Variants in IRF2 observed in about 807,000 individuals in gnomAD.
IRF2 encodes the protein interferon regulatory factor 2.
A neutral mutation model predicts 40.6 loss-of-function variants in IRF2; 15 were observed. That is an observed-to-expected ratio of 0.37 (90% CI 0.25 to 0.57). The LOEUF is 0.57. IRF2 is among the 20% of genes least tolerant of loss of function. The pLI, the probability that IRF2 is intolerant of heterozygous loss-of-function variation, is 0.77. For synonymous variants in IRF2, 151 were observed against 165.5 expected (o/e 0.91, Z 0.67); for missense variants, 317 against 455.7 (o/e 0.70, Z 2.77).
intron 2 of IRF2, among the ~76,000 whole-genome samples, chr4:184,422,578 A>C (rs1023950055): frequency 6.6e-6 from 1 of 152,260 alleles, no homozygotes; most frequent in Admixed American, 6.5e-5. Flanking sequence ...ATATCCATAC[A>C]ATGGAATATT....
chr4:184,418,668 T>A lies in IRF2; in HGVS notation c.228A>T (p.Thr76=). The change falls in exon 4 of 9, where the codon ACA becomes ACT. Residue 76 remains threonine (T), a synonymous_variant. Transcript: ENST00000393593. ...TGGCGCATCTGAAATTCGCCTTCCA[T>A]GTTTTGGGATCAGGTTTATCTACTC... ...QPGVDKPDPK[T]WKANFRCAMN... is the part of the protein sequence containing the mutation. 6.2e-7 allele frequency: 1 copy of A among 1,614,118 alleles called. No individual in the cohort carries two copies. Among genetic ancestry groups the A allele is most frequent in the Middle Eastern group, 1.6e-4 (1 of 6,062 alleles).
intron 1 of IRF2, among the ~76,000 whole-genome samples, chr4:184,456,035 G>T (rs1469853710): frequency 6.6e-6 from 1 of 152,206 alleles, no homozygotes; most frequent in African/African-American, 2.4e-5. Flanking sequence ...TGTCCCGGAG[G>T]TGAGACTCGA....
intron 7 of IRF2, among the ~76,000 whole-genome samples, chr4:184,394,847 A>G (rs1210964658): frequency 1.3e-5 from 2 of 152,180 alleles, no homozygotes; most frequent in Non-Finnish European, 2.9e-5. Flanking sequence ...TCTCCGCCAG[A>G]GCTTCCCAAA....
At chr4:184,470,497 A>T (rs1739474664) in intron 1 of IRF2, among the ~76,000 whole-genome samples, 1 of 152,132 alleles carries the variant, frequency 6.6e-6, no homozygotes, top group African/African-American at 2.4e-5. Flanking sequence ...CCTGGCCAGC[A>T]TGCTGAAACC....
At position 184,446,847 on chromosome 4, in the gene IRF2, C is replaced by T. The variant is rs547752347; in HGVS notation, c.-6-17777G>A. On this transcript the variant is annotated intron_variant, in intron 1 of 8. Transcript: ENST00000393593. ...ACGGGCACCTGTAGTCCCAGCTACT[C>T]GGGAGGCTGAGGCAGGGAGAATTGC... 7.2e-5 allele frequency among the ~76,000 whole-genome samples: 11 copies of T among 151,944 alleles called. No individual in the cohort carries two copies. In the East Asian group the frequency reaches 1.2e-3, roughly 16 times the overall value.
chr4:184,425,246 T>A (rs1737625258), intron 2 of IRF2, among the ~76,000 whole-genome samples: 1 of 152,180 alleles, frequency 6.6e-6, no homozygotes, highest in African/African-American at 2.4e-5. Context: ...GCAGAATGCT[T>A]GTGAATGGGA....
At chr4:184,452,479 G>A (rs1035149166) in intron 1 of IRF2, among the ~76,000 whole-genome samples, 2 of 152,254 alleles carry the variant, frequency 1.3e-5, no homozygotes, top group South Asian at 2.1e-4. Context: ...CAGACCGGGC[G>A]CAGCAACAAC....
chr4:184,392,677 C>T (rs1164431846), intron 7 of IRF2, among the ~76,000 whole-genome samples: 5 of 152,206 alleles, frequency 3.3e-5, no homozygotes, highest in Non-Finnish European at 7.3e-5. Context: ...AGACCAGGCT[C>T]TCTATCAATT....
At chr4:184,418,328 C>G in intron 4 of IRF2, 115 bp from the exon 5 acceptor site, 1 of 1,014,334 alleles carries the variant, frequency 9.9e-7, no homozygotes, top group Non-Finnish European at 1.6e-6. Context: ...TTAATCTGTA[C>G]ATGGTCAAAA....
intron 7 of IRF2, among the ~76,000 whole-genome samples, chr4:184,398,126 G>T (rs1216129077): frequency 1.3e-5 from 2 of 152,212 alleles, no homozygotes; most frequent in African/African-American, 4.8e-5. Context: ...TGAGCTTGGG[G>T]TCTGAAGGCT....
chr4:184,419,021 G>A (rs1737382770), intron 3 of IRF2, among the ~76,000 whole-genome samples: 1 of 152,184 alleles, frequency 6.6e-6, no homozygotes, highest in African/African-American at 2.4e-5. Context: ...ATAGAAGACT[G>A]AGAGGCTGCA....
intron 1 of IRF2, among the ~76,000 whole-genome samples, chr4:184,465,209 A>G (rs2149918887): frequency 6.6e-6 from 1 of 152,362 alleles, no homozygotes; most frequent in East Asian, 1.9e-4. Flanking sequence ...AAGTAGCCAC[A>G]GCTGTCTGAG....
chr4:184,414,164 A>G (rs1342543805), intron 5 of IRF2, among the ~76,000 whole-genome samples: 1 of 152,242 alleles, frequency 6.6e-6, no homozygotes, highest in African/African-American at 2.4e-5. Context: ...GACAAAAATC[A>G]TAGCTGGGAA....
intron 5 of IRF2, among the ~76,000 whole-genome samples, chr4:184,415,663 G>A (rs34744482): frequency 0.22 from 34,105 of 152,184 alleles, 4,019 homozygotes; most frequent in East Asian, 0.39. Flanking sequence ...TCTGGCGTTC[G>A]ATGGAATACA....
rs530297790 is a variant in IRF2 at position 184,413,603 on chromosome 4, T to C, written c.411+4564A>G. 2.0e-5 allele frequency among the ~76,000 whole-genome samples: 3 copies of C among 152,340 alleles called. 1 individual carries two copies. In the South Asian group the frequency reaches 6.2e-4, roughly 32 times the overall value. ...CTATGAGAAAGAGCAGCCGAACCCC[T>C]ATCTGCTTTTCTGTAACTTCTACCC... On this transcript the variant is annotated intron_variant, in intron 5 of 8. Coordinates refer to ENST00000393593, the MANE Select transcript of IRF2 (RefSeq NM_002199.4). This position sits in a 1 kb window ranked among gnomAD's most constrained non-coding sequence, Gnocchi z 4.2.
intron 1 of IRF2, among the ~76,000 whole-genome samples, chr4:184,435,429 G>A (rs552879131): frequency 5.3e-5 from 8 of 152,214 alleles, no homozygotes; most frequent in East Asian, 1.9e-4. Flanking sequence ...TTAGCTGAGA[G>A]GGGGGTGGTG....
intron 6 of IRF2, among the ~76,000 whole-genome samples, chr4:184,399,428 G>C (rs908488189): frequency 2.6e-5 from 4 of 152,224 alleles, no homozygotes; most frequent in Non-Finnish European, 5.9e-5. Context: ...GGCCAGACAT[G>C]ACAGTACTTT....
At chr4:184,427,112 G>A (rs1002141580) in intron 2 of IRF2, among the ~76,000 whole-genome samples, 2 of 152,106 alleles carry the variant, frequency 1.3e-5, no homozygotes, top group Non-Finnish European at 1.5e-5. Context: ...ATACCTCCAC[G>A]GCACCCCTGC....
chr4:184,431,616 G>A (rs1737881516), intron 1 of IRF2, among the ~76,000 whole-genome samples: 1 of 152,130 alleles, frequency 6.6e-6, no homozygotes, highest in African/African-American at 2.4e-5. Flanking sequence ...GAAAATAGAG[G>A]GAAGAGCGAG....
Sources: gnomAD v4.1 joint callset for allele counts (sites outside exome capture counted in the v4.1 genomes callset) on GRCh38, gnomAD v4.1.1 for gene constraint, Gnocchi (gnomAD v3.1) non-coding constraint, MANE v1.5 for transcripts, NCBI Gene and HGNC (gene_info 2026-07-23, HGNC 2026-07-21) for gene names.